PCDH15: variants seen among roughly 807,000 people sequenced by gnomAD.
The protein encoded by PCDH15 is protocadherin-15.
In PCDH15, 129 loss-of-function variants were observed where a neutral mutation model predicts 178.5. The ratio of observed to expected loss-of-function variants is 0.72; its 90% CI spans 0.63 to 0.84. PCDH15 has a LOEUF of 0.84. Ranked by LOEUF, PCDH15 falls within the 40% of genes least tolerant of loss-of-function variation. The probability of loss-of-function intolerance (pLI) is 0.00; values close to 1 mark genes in which losing one functional copy is unlikely to be tolerated. For synonymous variants in PCDH15, 800 were observed against 732.0 expected, an observed-to-expected ratio of 1.09 and a Z score of -1.50; for missense variants, 2,230 against 2,099.9, an observed-to-expected ratio of 1.06 and a Z score of -1.21.
At chr10:54,867,616 C>A (rs567293519) in intron 3 of PCDH15, among the ~76,000 whole-genome samples, 7 of 152,084 alleles carry the variant, frequency 4.6e-5, no homozygotes, top group Admixed American at 4.6e-4. Flanking sequence ...CTTGCACATA[C>A]CCTCTAACTA....
chr10:55,424,061 G>C (rs1034772566), intron 2 of PCDH15, among the ~76,000 whole-genome samples: 2 of 152,020 alleles, frequency 1.3e-5, no homozygotes, highest in African/African-American at 2.4e-5. Flanking sequence ...ATCTATTTTT[G>C]CATGAGGCTA....
At position 53,803,560 on chromosome 10, in the gene PCDH15, G is replaced by T. The variant is rs1840991838; in HGVS notation, c.*3019C>A. The T allele has an allele frequency of 1.3e-5, 2 of 151,898 alleles. No individual in the cohort carries two copies. Among genetic ancestry groups the T allele is most frequent in the African/African-American group, 4.8e-5 (2 of 41,396 alleles). 9.4% of individuals were successfully genotyped at this position (151,898 alleles called of 1,614,324 possible). A position where few individuals can be genotyped will look rare whatever the true frequency, so the allele number is the denominator to read the frequency against. Reference sequence around the variant, plus strand: ...TAAAATTCAAGGCAAACTTTCTTCTGTATTTTAAAAAGATGGTTTTGGCCA... The same window carrying T: ...TAAAATTCAAGGCAAACTTTCTTCTTTATTTTAAAAAGATGGTTTTGGCCA... On this transcript the variant is annotated 3_prime_UTR_variant, in exon 38 of 38. Coordinates refer to ENST00000644397, the MANE Select transcript of PCDH15 (RefSeq NM_001384140.1).
intron 13 of PCDH15, among the ~76,000 whole-genome samples, chr10:54,172,348 A>G (rs913543389): frequency 2.0e-5 from 3 of 151,514 alleles, no homozygotes; most frequent in Non-Finnish European, 4.4e-5. Flanking sequence ...CTTTGAATGT[A>G]ATTTTCCTTT....
At chr10:54,342,718 C>T (rs1197268144) in intron 6 of PCDH15, among the ~76,000 whole-genome samples, 1 of 152,210 alleles carries the variant, frequency 6.6e-6, no homozygotes, top group South Asian at 2.1e-4. Flanking sequence ...GAGAAGGCAG[C>T]TGCAGGGGCA....
intron 18 of PCDH15, among the ~76,000 whole-genome samples, chr10:54,036,907 A>G (rs2093429815): frequency 6.6e-6 from 1 of 151,952 alleles, no homozygotes; most frequent in African/African-American, 2.4e-5. Context: ...TAAAAATATC[A>G]ACATTAATAG....
At chr10:55,350,940 CAT>C (rs531419519) in intron 2 of PCDH15, among the ~76,000 whole-genome samples, 4 of 151,690 alleles carry the variant, frequency 2.6e-5, no homozygotes, top group East Asian at 1.9e-4. Flanking sequence ...GTGTGGTCCA[CAT>C]GTTTTATTAT....
chr10:55,170,881 C>CA (rs551972671), intron 1 of PCDH15, among the ~76,000 whole-genome samples: 88 of 150,710 alleles, frequency 5.8e-4, no homozygotes, highest in East Asian at 2.7e-3. Flanking sequence ...GACTCCATCT[C>CA]AAAAAAAAGA....
chr10:55,329,883 G>T (rs1430261348), intron 2 of PCDH15, among the ~76,000 whole-genome samples: 2 of 151,656 alleles, frequency 1.3e-5, no homozygotes, highest in African/African-American at 2.4e-5. Context: ...CTATTAAGGT[G>T]ACAAATATGT....
chr10:54,965,952 AT>A (rs1317095731), intron 2 of PCDH15, among the ~76,000 whole-genome samples: 1 of 150,778 alleles, frequency 6.6e-6, no homozygotes, highest in Non-Finnish European at 1.5e-5. Flanking sequence ...TATATAATAC[AT>A]AATTATATAA....
intron 15 of PCDH15, among the ~76,000 whole-genome samples, chr10:54,104,747 G>C (rs1286201289): frequency 6.7e-6 from 1 of 149,898 alleles, no homozygotes; most frequent in Non-Finnish European, 1.5e-5. Flanking sequence ...TGAGGCAGGA[G>C]AACGGCATGA....
intron 2 of PCDH15, among the ~76,000 whole-genome samples, chr10:55,128,690 T>C (rs1200591683): frequency 6.6e-6 from 1 of 152,014 alleles, no homozygotes; most frequent in Non-Finnish European, 1.5e-5. Context: ...TTAAACTCTG[T>C]GTTCTCCATC....
chr10:54,974,376 C>A (rs1322509204), intron 2 of PCDH15, among the ~76,000 whole-genome samples: 1 of 151,648 alleles, frequency 6.6e-6, no homozygotes, highest in Non-Finnish European at 1.5e-5. Flanking sequence ...TATAATTTAG[C>A]ATACTATGCT....
chr10:54,393,439 A>G (rs1334632336), intron 3 of PCDH15, among the ~76,000 whole-genome samples: 1 of 152,232 alleles, frequency 6.6e-6, no homozygotes, highest in Non-Finnish European at 1.5e-5. Context: ...AGAATATGAT[A>G]GTTGCCATGA....
intron 2 of PCDH15, among the ~76,000 whole-genome samples, chr10:55,497,883 T>A (rs1416888433): frequency 6.6e-6 from 1 of 151,900 alleles, no homozygotes; most frequent in African/African-American, 2.4e-5. Context: ...AATGGAAAAG[T>A]GAACTCTCTT....
intron 2 of PCDH15, among the ~76,000 whole-genome samples, chr10:55,424,648 G>A (rs1166558177): frequency 6.6e-6 from 1 of 152,080 alleles, no homozygotes; most frequent in Non-Finnish European, 1.5e-5. Context: ...AATGCCTGTG[G>A]GTTGTACTAG....
intron 2 of PCDH15, among the ~76,000 whole-genome samples, chr10:55,426,282 G>C (rs1018204560): frequency 6.6e-6 from 1 of 152,110 alleles, no homozygotes. Flanking sequence ...TCAACTCCTC[G>C]CAGGAGGGAG....
At position 53,888,310 on chromosome 10, in the gene PCDH15, G is replaced by GTACATA. The variant is rs1212124719; in HGVS notation, c.3501+14932_3501+14933insTATGTA. On this transcript the variant is annotated intron_variant, in intron 26 of 37. Coordinates refer to ENST00000644397, the MANE Select transcript of PCDH15 (RefSeq NM_001384140.1). The stretch of plus-strand genomic sequence containing the variant: ...TATATACATATATATATATATATAT[G>GTACATA]TATATATGTACGTATATATATGTAC... Among the ~76,000 whole-genome samples, 18 of 28,708 alleles carry GTACATA rather than the reference G, an allele frequency of 6.3e-4. No individual in the cohort carries two copies. The Admixed American group carries it at 7.4e-3, about 12-fold the overall frequency. 18.8% of individuals were successfully genotyped at this position (28,708 alleles called of 152,430 possible). A position where few individuals can be genotyped will look rare whatever the true frequency, so the allele number is the denominator to read the frequency against.
chr10:53,827,699 A>G lies in PCDH15; in HGVS notation c.4212-151T>C. ...CAATTTATAAACAGATGTAATTACA[A>G]AAGCATCCCCACAGGGTATCATTTG... On this transcript the variant is annotated intron_variant, in intron 31 of 37. Coordinates refer to ENST00000644397, the MANE Select transcript of PCDH15 (RefSeq NM_001384140.1). 6.4e-6 allele frequency: 6 copies of G among 938,014 alleles called. No homozygotes were observed. In the South Asian group the frequency reaches 8.7e-5, roughly 14 times the overall value. The allele number at this position is 938,014 out of a possible 1,614,324, so 58.1% of individuals were successfully genotyped here.
At chr10:53,848,770 C>G (rs954180681) in intron 28 of PCDH15, among the ~76,000 whole-genome samples, 3 of 151,926 alleles carry the variant, frequency 2.0e-5, no homozygotes, top group African/African-American at 7.2e-5. Flanking sequence ...ACCTTCATTA[C>G]GATGATTCAT....
Sources: allele counts gnomAD v4.1 joint callset (sites outside exome capture counted in the v4.1 genomes callset), GRCh38; gene constraint gnomAD v4.1.1; transcripts MANE v1.5; gene names NCBI Gene and HGNC (gene_info 2026-07-23, HGNC 2026-07-21).